Variants in THSD7B observed in about 807,000 individuals in gnomAD.
THSD7B encodes thrombospondin type 1 domain containing 7B, also known as thrombospondin type-1 domain-containing protein 7B.
A neutral mutation model predicts 213.6 loss-of-function variants in THSD7B; 138 were observed. The ratio of observed to expected loss-of-function variants is 0.65; its 90% confidence interval spans 0.56 to 0.74. THSD7B has a LOEUF of 0.74. Ranked by LOEUF, THSD7B falls within the 30% of genes least tolerant of loss-of-function variation. The pLI, the probability that THSD7B is intolerant of heterozygous loss-of-function variation, is 0.00. For synonymous variants in THSD7B, 742 were observed against 687.0 expected (o/e 1.08, Z -1.25); for missense variants, 1,931 against 1,991.5 (o/e 0.97, Z 0.58).
At chr2:137,555,037 G>A (rs935234044) in intron 15 of THSD7B, among the ~76,000 whole-genome samples, 4 of 152,190 alleles carry the variant, frequency 2.6e-5, no homozygotes, top group African/African-American at 9.6e-5. Flanking sequence ...GGTAAATAAA[G>A]CTACTGGGAA....
chr2:137,529,707 A>G (rs901457482), intron 15 of THSD7B, among the ~76,000 whole-genome samples: 1 of 151,778 alleles, frequency 6.6e-6, no homozygotes, highest in Non-Finnish European at 1.5e-5. Flanking sequence ...TAATAAGATT[A>G]TGGTTAAAAA....
intron 1 of THSD7B, among the ~76,000 whole-genome samples, chr2:136,816,755 T>C (rs1252812115): frequency 6.6e-6 from 1 of 152,206 alleles, no homozygotes; most frequent in African/African-American, 2.4e-5. Flanking sequence ...CCCTGTTTTT[T>C]TGTTTGTTTT....
At chr2:136,999,715 T>C (rs1366613365) in intron 2 of THSD7B, among the ~76,000 whole-genome samples, 1 of 152,072 alleles carries the variant, frequency 6.6e-6, no homozygotes, top group Non-Finnish European at 1.5e-5. Flanking sequence ...AATATGAACA[T>C]ACTGTTTAGA....
rs1367391122 is a variant in THSD7B, at chr2:137,495,509, A to C, written c.3138+44486A>C. Among the ~76,000 whole-genome samples, 3 of 152,138 alleles carry C rather than the reference A, an allele frequency of 2.0e-5. No individual in the cohort carries two copies. The East Asian group carries it at 5.8e-4, about 29-fold the overall frequency. On this transcript the variant is annotated intron_variant, in intron 15 of 27. Transcript: ENST00000409968. ...TACGGAAGTGTTCTTCTCAATGCAA[A>C]TAGCCACTTCCAAGGGTAAAATTTC... is the stretch of plus-strand genomic sequence containing the variant.
Position 136,970,799 on chromosome 2 carries a change from A to G in THSD7B, c.140-85621A>G, listed in dbSNP as rs188003960. On this transcript the variant is annotated intron_variant, in intron 2 of 27. Transcript: ENST00000409968. ...GAACATTTTAAAATCTTTCAAAAAGAAAGAAAGAGAGTGAAAAATGCACCT... is the reference window on the plus strand; with the variant it reads ...GAACATTTTAAAATCTTTCAAAAAGGAAGAAAGAGAGTGAAAAATGCACCT... Among the ~76,000 whole-genome samples, 265 of 152,300 alleles carry G rather than the reference A, an allele frequency of 1.7e-3. 1 individual carries two copies. Among genetic ancestry groups the G allele is most frequent in the African/African-American group, 6.2e-3 (257 of 41,568 alleles).
chr2:137,495,781 T>C (rs1338807800), intron 15 of THSD7B, among the ~76,000 whole-genome samples: 2 of 152,138 alleles, frequency 1.3e-5, no homozygotes, highest in East Asian at 3.9e-4. Context: ...GTAGTTCTGC[T>C]CCAATAGAGC....
At chr2:137,616,496 G>A (rs1221159710) in intron 18 of THSD7B, among the ~76,000 whole-genome samples, 180 bp downstream of exon 18, 1 of 152,116 alleles carries the variant, frequency 6.6e-6, no homozygotes, top group East Asian at 1.9e-4. Context: ...CCCACTCTTG[G>A]CATGTAGAAT....
At chr2:137,311,585 G>A (rs187171506) in intron 12 of THSD7B, among the ~76,000 whole-genome samples, 35 of 152,180 alleles carry the variant, frequency 2.3e-4, no homozygotes, top group South Asian at 1.1e-3. Flanking sequence ...TCTTGTGCCC[G>A]TTTTCAAAGG....
At chr2:137,480,163 G>A (rs559594492) in intron 15 of THSD7B, among the ~76,000 whole-genome samples, 1 of 152,146 alleles carries the variant, frequency 6.6e-6, no homozygotes, top group Admixed American at 6.5e-5. Context: ...TCTATTCAAA[G>A]TGTGATTATC....
intron 17 of THSD7B, among the ~76,000 whole-genome samples, chr2:137,581,868 C>T (rs1190381162): frequency 2.0e-5 from 3 of 151,566 alleles, no homozygotes; most frequent in Non-Finnish European, 4.4e-5. Context: ...GAGGCTGAGG[C>T]AGGTGGATCA....
At chr2:137,262,852 G>C (rs1682484765) in intron 10 of THSD7B, among the ~76,000 whole-genome samples, 1 of 152,082 alleles carries the variant, frequency 6.6e-6, no homozygotes, top group South Asian at 2.1e-4. Context: ...TTGGGTTTCT[G>C]AGAGTAGGGT....
intron 4 of THSD7B, among the ~76,000 whole-genome samples, chr2:137,110,256 G>A (rs1273109909): frequency 1.3e-5 from 2 of 152,022 alleles, no homozygotes; most frequent in South Asian, 2.1e-4. Context: ...TGTTGTCCTC[G>A]GTGCTTAGCT....
intron 2 of THSD7B, among the ~76,000 whole-genome samples, chr2:136,884,497 T>C (rs1327111759): frequency 6.6e-6 from 1 of 152,150 alleles, no homozygotes; most frequent in African/African-American, 2.4e-5. Context: ...TCCCATTGGA[T>C]GAATTCAACC....
intron 1 of THSD7B, among the ~76,000 whole-genome samples, chr2:136,875,641 C>G (rs528370616): frequency 1.3e-5 from 2 of 152,178 alleles, no homozygotes; most frequent in African/African-American, 4.8e-5. Context: ...ACAGGAGCCC[C>G]GTAGTTTCTC....
intron 15 of THSD7B, among the ~76,000 whole-genome samples, chr2:137,491,216 C>T (rs547837413): frequency 6.6e-6 from 1 of 152,184 alleles, no homozygotes; most frequent in Admixed American, 6.5e-5. Context: ...CTAACATACA[C>T]ACAGCTGTGT....
chr2:137,360,934 C>T (rs1685242031), intron 12 of THSD7B, among the ~76,000 whole-genome samples: 3 of 152,168 alleles, frequency 2.0e-5, no homozygotes, highest in Non-Finnish European at 4.4e-5. Flanking sequence ...TGTAGCTTAA[C>T]TTGGAGACAT....
intron 21 of THSD7B, among the ~76,000 whole-genome samples, chr2:137,653,117 G>C (rs1402657094): frequency 6.6e-6 from 1 of 151,250 alleles, no homozygotes; most frequent in African/African-American, 2.4e-5. Context: ...AAGTCTGGTG[G>C]TGGTGAATTC....
At position 137,323,112 on chromosome 2, in the gene THSD7B, A is replaced by G. The variant is rs77902743; in HGVS notation, c.2500+47086A>G. 4.2e-3 allele frequency among the ~76,000 whole-genome samples: 637 copies of G among 152,350 alleles called. 5 individuals are homozygous for G. Among genetic ancestry groups the G allele is most frequent in the African/African-American group, 0.015 (608 of 41,588 alleles). ...AACTCAAGGAATGTGATAATAGAGA[A>G]GTCAAGGAGGCTGTGATGGATCAGG... On this transcript the variant is annotated intron_variant, in intron 12 of 27. Transcript: ENST00000409968.
intron 12 of THSD7B, among the ~76,000 whole-genome samples, chr2:137,286,762 C>T (rs774882741): frequency 2.2e-4 from 33 of 152,018 alleles, no homozygotes; most frequent in Non-Finnish European, 3.8e-4. Context: ...CTATTTACTT[C>T]GAGGTTTGGA....
Sources: gnomAD v4.1 joint callset for allele counts (sites outside exome capture counted in the v4.1 genomes callset) on GRCh38, gnomAD v4.1.1 for gene constraint, MANE v1.5 for transcripts, NCBI Gene and HGNC (gene_info 2026-07-23, HGNC 2026-07-21) for gene names.